Variants in DHX34 observed in about 807,000 individuals in gnomAD.
DHX34 encodes DExH-box helicase 34, also known as probable ATP-dependent RNA helicase DHX34.
In DHX34, 96 loss-of-function variants were observed where a neutral mutation model predicts 111.1. The ratio of observed to expected loss-of-function variants is 0.86; its 90% CI spans 0.73 to 1.02. DHX34 has a LOEUF of 1.02. Among genes scored for constraint, DHX34 ranks in the 50% least tolerant of loss-of-function variants. DHX34 has a pLI of 0.00. For synonymous variants in DHX34, 688 were observed against 670.4 expected, an observed-to-expected ratio of 1.03 and a Z score of -0.41; for missense variants, 1,560 against 1,579.9, an observed-to-expected ratio of 0.99 and a Z score of 0.21.
rs375317456 is a variant in DHX34 at position 47,380,926 on chromosome 19, C to T, written c.3093C>T (p.Thr1031=). 1.9e-5 allele frequency: 31 copies of T among 1,611,100 alleles called. No homozygotes were observed. The African/African-American group carries it at 2.3e-4, about 12-fold the overall frequency. The change falls in exon 15 of 17, where the codon ACC becomes ACT. Residue 1031 remains threonine (T), a synonymous_variant. Transcript: ENST00000328771. ...TTCCTGGCCTCTTTGGCAGCTCCAC[C>T]CTGTCCCCCCACCCCACAAAGGGGG... ...PHLPGLFGSS[T]LSPHPTKGGY... is the part of the protein sequence containing the mutation.
intron 12 of DHX34, 59 bp from the exon 13 acceptor site, chr19:47,377,041 G>T: frequency 6.2e-7 from 1 of 1,611,346 alleles, no homozygotes; most frequent in Non-Finnish European, 8.5e-7. Context: ...GGACAGGCGG[G>T]CTTCTGATGG....
chr19:47,382,139 C>T lies in DHX34; in HGVS notation c.*26C>T, dbSNP rs748803449. On this transcript the variant is annotated 3_prime_UTR_variant, in exon 17 of 17. Coordinates refer to ENST00000328771, the MANE Select transcript of DHX34 (RefSeq NM_014681.6). ...GCTGGGCCAGGAGCCCTGCCCACCT[C>T]CGTGCAGCTGACCTGCCCTCCAGCC... 3.9e-5 allele frequency: 63 copies of T among 1,612,262 alleles called. No homozygotes were observed. The highest frequency in any genetic ancestry group is 5.3e-5 in the Non-Finnish European group (62 of 1,179,234).
intron 7 of DHX34, among the ~76,000 whole-genome samples, chr19:47,368,125 A>G (rs1271070227): frequency 1.3e-5 from 2 of 149,682 alleles, no homozygotes; most frequent in African/African-American, 2.5e-5. Context: ...CGTATTGGAC[A>G]GTGCAGATGG....
chr19:47,378,728 C>T (rs1009958689), intron 13 of DHX34, among the ~76,000 whole-genome samples: 8 of 151,490 alleles, frequency 5.3e-5, no homozygotes, highest in South Asian at 2.1e-4. Flanking sequence ...CCCAGCTACT[C>T]GGGAGGCTGA....
intron 12 of DHX34, chr19:47,376,887 G>C: frequency 6.5e-7 from 1 of 1,533,972 alleles, no homozygotes; most frequent in Non-Finnish European, 8.7e-7. Flanking sequence ...CCTGGCACCC[G>C]TGTGCATGGA....
intron 1 of DHX34, among the ~76,000 whole-genome samples, chr19:47,351,866 G>A (rs1969297977): frequency 6.6e-6 from 1 of 152,176 alleles, no homozygotes; most frequent in Non-Finnish European, 1.5e-5. Flanking sequence ...GAACCATGTA[G>A]AATCGAGGAA....
At chr19:47,359,639 G>T (rs139224266) in intron 4 of DHX34, among the ~76,000 whole-genome samples, 1 of 151,996 alleles carries the variant, frequency 6.6e-6, no homozygotes, top group African/African-American at 2.4e-5. Flanking sequence ...AAAATTAGCC[G>T]GGCATGGTGG....
intron 13 of DHX34, among the ~76,000 whole-genome samples, chr19:47,378,351 C>T (rs534606904): frequency 2.6e-4 from 40 of 152,282 alleles, no homozygotes; most frequent in Non-Finnish European, 5.0e-4. Context: ...CAACCAAACT[C>T]CCCACCCTCA....
intron 12 of DHX34, 31 bp downstream of exon 12, chr19:47,376,591 A>G (rs1038127024): frequency 6.5e-7 from 1 of 1,546,514 alleles, no homozygotes. Flanking sequence ...AGGAACCCCC[A>G]TCCGGGATGT....
chr19:47,379,802 T>C lies in DHX34; in HGVS notation c.2799T>C (p.Ser933=). 1 of 1,613,740 alleles carries C rather than the reference T, an allele frequency of 6.2e-7. No homozygotes were observed. Among genetic ancestry groups the C allele is most frequent in the Non-Finnish European group, 8.5e-7 (1 of 1,179,796 alleles). Residue 933 remains serine, a synonymous_variant, in exon 14 of 17, where the codon AGT becomes AGC. Transcript: ENST00000328771. ...DGWLELQLAD[S]ESAIRLLAAS... ...GGCTGGAGCTGCAGCTAGCAGACAGTGAAAGTGCCATCCGACTCCTGGCGG... is the reference window on the plus strand; with the variant it reads ...GGCTGGAGCTGCAGCTAGCAGACAGCGAAAGTGCCATCCGACTCCTGGCGG...
At chr19:47,354,515 TAGG>T (rs773072762) in intron 2 of DHX34, among the ~76,000 whole-genome samples, 4 of 152,162 alleles carry the variant, frequency 2.6e-5, no homozygotes, top group African/African-American at 9.7e-5. Flanking sequence ...TCACAGCATC[TAGG>T]AGGAGAACTA....
chr19:47,377,192 A>G lies in DHX34; in HGVS notation c.2692A>G (p.Ile898Val). The change falls in exon 13 of 17, where the codon ATC (isoleucine) becomes GTC (valine). Residue 898 changes from isoleucine (I) to valine (V), a missense_variant. Ile to Val is a conservative substitution (Grantham distance 29, BLOSUM62 3). Coordinates refer to ENST00000328771, the MANE Select transcript of DHX34 (RefSeq NM_014681.6). The stretch of plus-strand genomic sequence containing the variant: ...GCCGTACCTGGTGAACTGCGTCCGC[A>G]TCCCTGCCCTCCAGGTGGGCCTCTG... ...NKPYLVNCVR[I>V]PALQSLLLFS... 6 of 1,613,570 alleles carry G rather than the reference A, an allele frequency of 3.7e-6. No homozygotes were observed. Among genetic ancestry groups the G allele is most frequent in the Non-Finnish European group, 3.4e-6 (4 of 1,179,804 alleles).
chr19:47,351,967 A>G (rs1664094695), intron 1 of DHX34, among the ~76,000 whole-genome samples: 1 of 152,214 alleles, frequency 6.6e-6, no homozygotes. Flanking sequence ...AACACTTGCA[A>G]AATTTTGCCT....
intron 4 of DHX34, among the ~76,000 whole-genome samples, chr19:47,358,777 G>A (rs1218750101): frequency 6.6e-6 from 1 of 152,080 alleles, no homozygotes; most frequent in Non-Finnish European, 1.5e-5. Flanking sequence ...ACCACGTCCG[G>A]CTAATCTTTT....
intron 1 of DHX34, among the ~76,000 whole-genome samples, chr19:47,350,981 C>T (rs1159216125): frequency 2.0e-5 from 3 of 151,982 alleles, no homozygotes; most frequent in African/African-American, 7.2e-5. Context: ...CCACTGAAGG[C>T]CATGAGCCCA....
chr19:47,360,094 C>T, intron 5 of DHX34, 24 bp downstream of exon 5: 4 of 1,610,384 alleles, frequency 2.5e-6, no homozygotes, highest in East Asian at 2.2e-5. Context: ...TGAGCCCCTA[C>T]CCACCACCCC....
intron 7 of DHX34, among the ~76,000 whole-genome samples, chr19:47,368,041 T>C (rs1327084500): frequency 6.6e-6 from 1 of 151,930 alleles, no homozygotes; most frequent in East Asian, 1.9e-4. Context: ...TTTTTTACCA[T>C]ACGACGTCTT....
At chr19:47,355,709 A>G (rs1969436828) in intron 3 of DHX34, among the ~76,000 whole-genome samples, 1 of 151,962 alleles carries the variant, frequency 6.6e-6, no homozygotes, top group African/African-American at 2.4e-5. Context: ...AAAATTACCC[A>G]GGCATGGTGG....
At position 47,372,899 on chromosome 19, in the gene DHX34, C is replaced by G; in HGVS notation, c.1938C>G (p.Phe646Leu). 1 of 1,603,368 alleles carries G rather than the reference C, an allele frequency of 6.2e-7. No homozygotes were observed. Among genetic ancestry groups the G allele is most frequent in the South Asian group, 1.1e-5 (1 of 90,894 alleles). Residue 646 changes from phenylalanine to leucine, a missense_variant, in exon 8 of 17, where the codon TTC becomes TTG. By Grantham distance (22) the Phe-to-Leu change is conservative. Transcript: ENST00000328771. ...ESDQGDPFTL[F>L]NVFNAWVQVK... Reference sequence around the variant, plus strand: ...ACCAGGGTGACCCCTTCACGCTCTTCAACGTCTTCAACGCCTGGGTGCAGG... The same window carrying G: ...ACCAGGGTGACCCCTTCACGCTCTTGAACGTCTTCAACGCCTGGGTGCAGG...
Sources: gnomAD v4.1 joint callset for allele counts (sites outside exome capture counted in the v4.1 genomes callset) on GRCh38, gnomAD v4.1.1 for gene constraint, MANE v1.5 for transcripts, NCBI Gene and HGNC (gene_info 2026-07-23, HGNC 2026-07-21) for gene names.